The following CPEB3 variants were observed in gnomAD, a reference collection of about 807,000 sequenced individuals.
CPEB3 encodes the protein cytoplasmic polyadenylation element binding protein 3.
A neutral mutation model predicts 67.2 loss-of-function variants in CPEB3; 20 were observed. The observed-to-expected ratio is 0.30, with a 90% confidence interval of 0.21 to 0.43. The LOEUF (loss-of-function observed/expected upper bound fraction) is 0.43, where lower values mean the gene tolerates loss of function less well. Among genes scored for constraint, CPEB3 ranks in the 20% least tolerant of loss-of-function variants. The pLI is 1.00. For synonymous variants in CPEB3, 376 were observed against 393.1 expected, an observed-to-expected ratio of 0.96 and a Z score of 0.51; for missense variants, 746 against 968.6, an observed-to-expected ratio of 0.77 and a Z score of 3.05.
chr10:92,056,791 A>C (rs1437851581), intron 9 of CPEB3, among the ~76,000 whole-genome samples: 1 of 152,198 alleles, frequency 6.6e-6, no homozygotes, highest in Non-Finnish European at 1.5e-5. Flanking sequence ...CCCAGGCTGC[A>C]CAGCTCATGG....
In CPEB3 at chr10:92,253,262, C is replaced by T. The variant is rs911756658; in HGVS notation, c.-11-12901G>A. Among the ~76,000 whole-genome samples the T allele has an allele frequency of 2.0e-5, 3 of 151,966 alleles. No individual in the cohort carries two copies. In the East Asian group the frequency reaches 5.8e-4, roughly 29 times the overall value. ...GGATCACAAGGTCAAGAGATTAAGA[C>T]CATCCTGGCCAACATGGTGAAATGC... On this transcript the variant is annotated intron_variant, in intron 1 of 9. Transcript: ENST00000265997.
At chr10:92,134,359 C>G (rs1180872296) in intron 6 of CPEB3, among the ~76,000 whole-genome samples, 1 of 151,900 alleles carries the variant, frequency 6.6e-6, no homozygotes, top group South Asian at 2.1e-4. Context: ...CACAAGCGTT[C>G]CTATATACCA....
At chr10:92,283,529 C>G (rs1159786170) in intron 1 of CPEB3, among the ~76,000 whole-genome samples, 1 of 152,008 alleles carries the variant, frequency 6.6e-6, no homozygotes, top group Non-Finnish European at 1.5e-5. Context: ...CCTATGTTAT[C>G]TTTGCAGAGA....
intron 1 of CPEB3, among the ~76,000 whole-genome samples, chr10:92,279,216 T>G (rs1842146147): frequency 6.6e-6 from 1 of 152,184 alleles, no homozygotes; most frequent in East Asian, 1.9e-4. Flanking sequence ...AGTTCCCTTC[T>G]ATTCCTGAGT....
At chr10:92,261,864 A>G (rs572973074) in intron 1 of CPEB3, among the ~76,000 whole-genome samples, 1 of 152,320 alleles carries the variant, frequency 6.6e-6, no homozygotes, top group South Asian at 2.1e-4. Context: ...GTTACAAGAC[A>G]CAACTAATAA....
Position 92,205,137 on chromosome 10 carries a change from T to G in CPEB3, c.1006-12501A>C, listed in dbSNP as rs576923608. On this transcript the variant is annotated intron_variant, in intron 2 of 9. Coordinates refer to ENST00000265997, the MANE Select transcript of CPEB3 (RefSeq NM_014912.5). Reference sequence around the variant, plus strand: ...ACAGGTGCAGCTGTCTTAACCACTTTTAAAGCTTTATCATTTTTTAATTTG... The same window carrying G: ...ACAGGTGCAGCTGTCTTAACCACTTGTAAAGCTTTATCATTTTTTAATTTG... Among the ~76,000 whole-genome samples the G allele has an allele frequency of 3.3e-5, 5 of 152,212 alleles. No homozygotes were observed. The South Asian group carries it at 1.0e-3, about 32-fold the overall frequency.
In CPEB3 at chr10:92,280,343, CAAAAAAAAA is replaced by C. The variant is rs60338900; in HGVS notation, c.-12+10574_-12+10582del. Among the ~76,000 whole-genome samples the C allele has an allele frequency of 1.4e-3, 53 of 37,814 alleles. 2 individuals are homozygous for C. The highest frequency in any genetic ancestry group is 2.5e-3 in the African/African-American group (21 of 8,568). The allele number at this position is 37,814 out of a possible 152,430, so 24.8% of individuals were successfully genotyped here. A position where few individuals can be genotyped will look rare whatever the true frequency, so the allele number is the denominator to read the frequency against. On this transcript the variant is annotated intron_variant, in intron 1 of 9. Coordinates refer to ENST00000265997, the MANE Select transcript of CPEB3 (RefSeq NM_014912.5). Reference sequence around the variant, plus strand: ...GGGCAACAAGAGCAAAACTCCATCTCAAAAAAAAAAAAAAAAAAAAAAAAAGAGAGAGAG... The same window carrying C: ...GGGCAACAAGAGCAAAACTCCATCTCAAAAAAAAAAAAAAAAGAGAGAGAG...
intron 2 of CPEB3, among the ~76,000 whole-genome samples, chr10:92,210,060 T>C (rs939776159): frequency 2.0e-5 from 3 of 151,674 alleles, no homozygotes; most frequent in Non-Finnish European, 4.4e-5. Flanking sequence ...ATTTATATAA[T>C]TATATACCCA....
Position 92,207,945 on chromosome 10 carries a change from G to A in CPEB3, c.1006-15309C>T, listed in dbSNP as rs138232225. ...CACATAGCCAATATTGGTCATTAATGTTCTGCTATTATTTACTTCCAAAAA... is the reference window on the plus strand; with the variant it reads ...CACATAGCCAATATTGGTCATTAATATTCTGCTATTATTTACTTCCAAAAA... On this transcript the variant is annotated intron_variant, in intron 2 of 9. Transcript: ENST00000265997. Among the ~76,000 whole-genome samples the A allele has an allele frequency of 2.1e-3, 327 of 152,304 alleles. 1 individual carries two copies. Among genetic ancestry groups the A allele is most frequent in the Admixed American group, 5.3e-3 (81 of 15,292 alleles).
chr10:92,112,144 T>A (rs1247761059), intron 6 of CPEB3, among the ~76,000 whole-genome samples: 1 of 141,810 alleles, frequency 7.1e-6, no homozygotes, highest in African/African-American at 2.8e-5. Context: ...TTTTTTTTTT[T>A]TTTTTGAGAT....
intron 6 of CPEB3, among the ~76,000 whole-genome samples, chr10:92,120,585 A>C (rs1217698407): frequency 6.6e-6 from 1 of 152,162 alleles, no homozygotes; most frequent in South Asian, 2.1e-4. Context: ...CTGTCTCAAA[A>C]AAAACAAAAA....
rs200491030 is a variant in CPEB3 at position 92,119,974 on chromosome 10, G to A, written c.1454-8780C>T. Among the ~76,000 whole-genome samples, 20 of 151,180 alleles carry A rather than the reference G, an allele frequency of 1.3e-4. No individual in the cohort carries two copies. In the East Asian group the frequency reaches 2.1e-3, roughly 16 times the overall value. ...TGGATTTAAAAAAAAAACAAATTGC[G>A]CCAGGCGCGGTGGCTCACGCCTGTA... On this transcript the variant is annotated intron_variant, in intron 6 of 9. Transcript: ENST00000265997.
chr10:92,052,482 G>A (rs762272170), intron 9 of CPEB3, 43 bp from the exon 10 acceptor site: 4 of 1,548,840 alleles, frequency 2.6e-6, no homozygotes, highest in Admixed American at 1.7e-5. Flanking sequence ...ATTTAGCAAA[G>A]CTTCCTTACA....
At position 92,047,306 on chromosome 10, in the gene CPEB3, G is replaced by T. The variant is rs1352684359; in HGVS notation, c.*4906C>A. 2 of 150,584 alleles carry T rather than the reference G, an allele frequency of 1.3e-5. No individual in the cohort carries two copies. The highest frequency in any genetic ancestry group is 3.9e-4 in the East Asian group (2 of 5,158). 9.3% of individuals were successfully genotyped at this position (150,584 alleles called of 1,614,324 possible). On this transcript the variant is annotated 3_prime_UTR_variant, in exon 10 of 10. Coordinates refer to ENST00000265997, the MANE Select transcript of CPEB3 (RefSeq NM_014912.5). Reference sequence around the variant, plus strand: ...GTTAGCTGACATACCATACAAGCTAGTGAAAAGCAACAATCCATTCAAATA... The same window carrying T: ...GTTAGCTGACATACCATACAAGCTATTGAAAAGCAACAATCCATTCAAATA...
chr10:92,263,639 G>A (rs557551371), intron 1 of CPEB3, among the ~76,000 whole-genome samples: 4 of 152,170 alleles, frequency 2.6e-5, no homozygotes, highest in Admixed American at 1.3e-4. Flanking sequence ...CCTGCTTATG[G>A]AAGCAAAATA....
chr10:92,150,304 T>G (rs1010438345), intron 4 of CPEB3, among the ~76,000 whole-genome samples: 1 of 151,548 alleles, frequency 6.6e-6, no homozygotes, highest in Non-Finnish European at 1.5e-5. Context: ...GTTGCCCAGG[T>G]TGGTCTTGAA....
chr10:92,100,677 C>T (rs755870904), intron 7 of CPEB3, among the ~76,000 whole-genome samples: 15 of 152,026 alleles, frequency 9.9e-5, no homozygotes, highest in Non-Finnish European at 2.1e-4. Context: ...CTGCAAGCTT[C>T]GCCTCCCGGG....
chr10:92,280,699 T>C (rs1590612460), intron 1 of CPEB3, among the ~76,000 whole-genome samples: 1 of 133,898 alleles, frequency 7.5e-6, no homozygotes. Flanking sequence ...CAAATATAAA[T>C]AAATAAATCC....
chr10:92,072,826 G>T (rs1219028624), intron 9 of CPEB3, among the ~76,000 whole-genome samples: 1 of 152,156 alleles, frequency 6.6e-6, no homozygotes, highest in Non-Finnish European at 1.5e-5. Context: ...TTACGCACGA[G>T]TGTAACATAC....
Sources: allele counts gnomAD v4.1 joint callset (sites outside exome capture counted in the v4.1 genomes callset), GRCh38; gene constraint gnomAD v4.1.1; transcripts MANE v1.5; gene names NCBI Gene and HGNC (gene_info 2026-07-23, HGNC 2026-07-21).